Variants in OR10J1 observed in about 807,000 individuals in gnomAD.
OR10J1 encodes the protein olfactory receptor family 10 subfamily J member 1.
For missense variants in OR10J1, 474 were observed against 376.6 expected, an observed-to-expected ratio of 1.26 and a Z score of -2.14; for synonymous variants, 202 against 143.8, an observed-to-expected ratio of 1.40 and a Z score of -2.89.
chr1:159,419,009 G>T, the OR10J1 span, among the ~76,000 whole-genome samples: 1 of 152,160 alleles, frequency 6.6e-6, no homozygotes, highest in African/African-American at 2.4e-5. Context: ...ATCCTATTTA[G>T]AATGAGTGTA....
In OR10J1 at chr1:159,439,948, C is replaced by A; in HGVS notation, c.157C>A (p.Leu53Ile). 1 of 1,614,070 alleles carries A rather than the reference C, an allele frequency of 6.2e-7. No homozygotes were observed. ...CATTGTGACCATCATCCGAATGGAT[C>A]TTCATCTTCACACACCCATGTACTT... The part of the protein sequence containing the change: ...IIIVTIIRMD[L>I]HLHTPMYFFL... Residue 53 changes from leucine to isoleucine, a missense_variant, in exon 1 of 1, where the codon CTT becomes ATT. Leu to Ile is a conservative substitution (Grantham distance 5). Transcript: ENST00000423932.
At chr1:159,407,567 T>C in the OR10J1 span, among the ~76,000 whole-genome samples, 2 of 152,106 alleles carry the variant, frequency 1.3e-5, no homozygotes, top group African/African-American at 4.8e-5. Context: ...AGAATTCCAA[T>C]GATGATTTTA....
the OR10J1 span, among the ~76,000 whole-genome samples, chr1:159,431,528 G>T: frequency 6.6e-6 from 1 of 152,198 alleles, no homozygotes; most frequent in Admixed American, 6.5e-5. Flanking sequence ...ATTTAAACCA[G>T]GTGAGTCTGA....
At chr1:159,424,269 G>T in the OR10J1 span, among the ~76,000 whole-genome samples, 2 of 149,782 alleles carry the variant, frequency 1.3e-5, no homozygotes, top group Admixed American at 6.7e-5. Context: ...TTAAAAGTTG[G>T]AAAAAAATAG....
the OR10J1 span, among the ~76,000 whole-genome samples, chr1:159,400,936 G>A: frequency 6.6e-6 from 1 of 151,724 alleles, no homozygotes; most frequent in Non-Finnish European, 1.5e-5. Flanking sequence ...GGCCAAAAGG[G>A]GATGAAACTA....
At chr1:159,433,130 C>A, upstream of OR10J1, 1 of 419,476 alleles carries the variant, frequency 2.4e-6, no homozygotes, top group East Asian at 3.3e-5. Flanking sequence ...CAGAAAGCCT[C>A]TCTCTTAGGT....
At chr1:159,411,352 C>T in the OR10J1 span, among the ~76,000 whole-genome samples, 1 of 151,836 alleles carries the variant, frequency 6.6e-6, no homozygotes, top group Non-Finnish European at 1.5e-5. Context: ...TGTAGGTCTC[C>T]AAGGACTTGC....
the OR10J1 span, among the ~76,000 whole-genome samples, chr1:159,408,846 G>A: frequency 6.6e-6 from 1 of 151,980 alleles, no homozygotes; most frequent in Non-Finnish European, 1.5e-5. Flanking sequence ...GATTAGAGAA[G>A]ATTATTATGT....
upstream of OR10J1, chr1:159,439,640 C>T (rs1571158571): frequency 1.1e-6 from 1 of 886,412 alleles, no homozygotes; most frequent in East Asian, 2.5e-5. Flanking sequence ...GATAAGTAAA[C>T]CCAGGGATTA....
chr1:159,423,052 A>T, the OR10J1 span, among the ~76,000 whole-genome samples: 1 of 152,210 alleles, frequency 6.6e-6, no homozygotes, highest in Non-Finnish European at 1.5e-5. Flanking sequence ...AGATGCATCT[A>T]GTCAGCCATC....
chr1:159,437,292 G>A (rs779343428), upstream of OR10J1, among the ~76,000 whole-genome samples: 4 of 152,126 alleles, frequency 2.6e-5, no homozygotes, highest in Non-Finnish European at 5.9e-5. Flanking sequence ...AGGACAGGCA[G>A]CATGAACTGC....
At chr1:159,426,085 G>A in the OR10J1 span, among the ~76,000 whole-genome samples, 2 of 151,974 alleles carry the variant, frequency 1.3e-5, no homozygotes, top group East Asian at 3.9e-4. Flanking sequence ...AGTGTGCATA[G>A]TAAACAATGG....
chr1:159,405,676 C>T, the OR10J1 span: 6 of 538,470 alleles, frequency 1.1e-5, no homozygotes, highest in South Asian at 1.1e-4. Flanking sequence ...CTTCTTCCTA[C>T]CCTCAGTTGA....
chr1:159,423,812 G>A, the OR10J1 span, among the ~76,000 whole-genome samples: 1 of 152,280 alleles, frequency 6.6e-6, no homozygotes, highest in East Asian at 1.9e-4. Context: ...TGACGTCTGG[G>A]TGCTTCCTAA....
the OR10J1 span, among the ~76,000 whole-genome samples, chr1:159,432,027 C>T: frequency 6.6e-6 from 1 of 152,132 alleles, no homozygotes; most frequent in Non-Finnish European, 1.5e-5. Flanking sequence ...GCCCAGAGAA[C>T]CTTGATGGGT....
chr1:159,416,156 C>A, the OR10J1 span, among the ~76,000 whole-genome samples: 2 of 151,728 alleles, frequency 1.3e-5, no homozygotes, highest in Non-Finnish European at 2.9e-5. Flanking sequence ...TTATTCTTGT[C>A]CAGTTTGAGT....
chr1:159,430,669 G>GTGTGTGTGCGCA, the OR10J1 span, among the ~76,000 whole-genome samples: 7 of 20,204 alleles, frequency 3.5e-4, no homozygotes, highest in East Asian at 4.8e-3. Context: ...GTGTGTGTGT[G>GTGTGTGTGCGCA]CGCGCGCGCA....
At position 159,440,610 on chromosome 1, in the gene OR10J1, C is replaced by T. The variant is rs760651891; in HGVS notation, c.819C>T (p.Ile273=). 2.5e-6 allele frequency: 4 copies of T among 1,613,934 alleles called. No homozygotes were observed. In the South Asian group the frequency reaches 4.4e-5, roughly 18 times the overall value. ...ACACCAGAGAACATGACCAGCTGATCTCGGTGACCTACACTGTCATCACTC... is the reference window on the plus strand; with the variant it reads ...ACACCAGAGAACATGACCAGCTGATTTCGGTGACCTACACTGTCATCACTC... The part of the protein sequence containing the change: ...SENTREHDQL[I]SVTYTVITPL... The change falls in exon 1 of 1, where the codon ATC becomes ATT. Residue 273 remains isoleucine (I), a synonymous_variant. Coordinates refer to ENST00000423932, the MANE Select transcript of OR10J1 (RefSeq NM_012351.3).
the OR10J1 span, chr1:159,405,970 A>AATACC: frequency 2.1e-6 from 1 of 469,556 alleles, no homozygotes; most frequent in African/African-American, 2.0e-5. Context: ...CTTACCTATG[A>AATACC]ATACCGTAAG....
Sources: allele counts gnomAD v4.1 joint callset (sites outside exome capture counted in the v4.1 genomes callset), GRCh38; gene constraint gnomAD v4.1.1; transcripts MANE v1.5; gene names NCBI Gene and HGNC (gene_info 2026-07-23, HGNC 2026-07-21).